The following SETDB2 variants were observed in gnomAD, a reference collection of about 807,000 sequenced individuals.
The protein encoded by SETDB2 is SET domain bifurcated histone lysine methyltransferase 2.
SETDB2 carries 56 observed loss-of-function variants against 82.5 expected under a neutral mutation model. The ratio of observed to expected loss-of-function variants is 0.68; its 90% CI spans 0.55 to 0.85. SETDB2 has a LOEUF of 0.85. Among genes scored for constraint, SETDB2 ranks in the 40% least tolerant of loss-of-function variants. SETDB2 has a pLI of 0.00. For missense variants in SETDB2, 677 were observed against 816.4 expected (o/e 0.83, Z 2.08); for synonymous variants, 272 against 284.9 (o/e 0.95, Z 0.46).
chr13:49,456,126 A>C (rs1251765850), intron 2 of SETDB2, among the ~76,000 whole-genome samples: 2 of 152,106 alleles, frequency 1.3e-5, no homozygotes, highest in African/African-American at 4.8e-5. Flanking sequence ...TGATTTGGGG[A>C]GTCCTAGGGG....
At chr13:49,458,724 G>A (rs1337126002) in intron 2 of SETDB2, among the ~76,000 whole-genome samples, 4 of 152,194 alleles carry the variant, frequency 2.6e-5, no homozygotes, top group African/African-American at 9.6e-5. Context: ...TGTTCGGAGA[G>A]CCTCTTACTA....
At position 49,475,005 on chromosome 13, in the gene SETDB2, C is replaced by T. The variant is rs143888978; in HGVS notation, c.306-1471C>T. 7.7e-3 allele frequency among the ~76,000 whole-genome samples: 1,179 copies of T among 152,216 alleles called. 16 individuals carry two copies. The highest frequency in any genetic ancestry group is 0.027 in the African/African-American group (1,114 of 41,518). On this transcript the variant is annotated intron_variant, in intron 5 of 13. Coordinates refer to ENST00000611815, the MANE Select transcript of SETDB2 (RefSeq NM_001160308.3). ...CACTGCTTTATATAGTGTATTAGTCCGTTTTCACGCTGCTGATAAAGACAT... is the reference window on the plus strand; with the variant it reads ...CACTGCTTTATATAGTGTATTAGTCTGTTTTCACGCTGCTGATAAAGACAT...
intron 5 of SETDB2, among the ~76,000 whole-genome samples, chr13:49,468,243 G>A (rs763471037): frequency 6.6e-6 from 1 of 151,874 alleles, no homozygotes; most frequent in Non-Finnish European, 1.5e-5. Context: ...TTTTTGTTTT[G>A]TTTTGTTTTT....
chr13:49,457,743 A>G (rs1957917796), intron 2 of SETDB2, among the ~76,000 whole-genome samples: 1 of 152,110 alleles, frequency 6.6e-6, no homozygotes, highest in South Asian at 2.1e-4. Flanking sequence ...ATTTTAAATG[A>G]TAAAAAAAAC....
chr13:49,446,384 A>G (rs1252561332), intron 1 of SETDB2: 1 of 456,120 alleles, frequency 2.2e-6, no homozygotes, highest in African/African-American at 2.0e-5. Flanking sequence ...CCGTTCTTTG[A>G]AAGTTTTGTA....
chr13:49,444,641 C>T lies in SETDB2; in HGVS notation c.-558C>T, dbSNP rs79335384. 0.026 allele frequency: 4,094 copies of T among 155,284 alleles called. 168 individuals carry two copies. The highest frequency in any genetic ancestry group is 0.092 in the African/African-American group (3,833 of 41,562). 9.6% of individuals were successfully genotyped at this position (155,284 alleles called of 1,614,324 possible). On this transcript the variant is annotated 5_prime_UTR_variant, in exon 1 of 14. Coordinates refer to ENST00000611815, the MANE Select transcript of SETDB2 (RefSeq NM_001160308.3). ...CCCCAGCCCTTGCAGCCTCCCTTCT[C>T]CTGGCACCCAAGTGCAGTCCTGGCT... is the stretch of plus-strand genomic sequence containing the variant.
intron 2 of SETDB2, among the ~76,000 whole-genome samples, chr13:49,455,463 C>T (rs1957865425): frequency 6.6e-6 from 1 of 152,054 alleles, no homozygotes; most frequent in Admixed American, 6.6e-5. Flanking sequence ...AAAATATTGG[C>T]TCAGTGAATT....
At chr13:49,451,122 TC>T (rs1957777840) in intron 1 of SETDB2, among the ~76,000 whole-genome samples, 1 of 151,648 alleles carries the variant, frequency 6.6e-6, no homozygotes, top group African/African-American at 2.4e-5. Context: ...TATACTACAA[TC>T]CAAATTTTTG....
intron 5 of SETDB2, among the ~76,000 whole-genome samples, chr13:49,469,533 C>G (rs1958185443): frequency 6.6e-6 from 1 of 152,140 alleles, no homozygotes; most frequent in African/African-American, 2.4e-5. Context: ...TTAGAAGCCA[C>G]ACCCTTGATG....
Position 49,492,006 on chromosome 13 carries a change from C to T in SETDB2, c.*157C>T. 4.3e-6 allele frequency: 3 copies of T among 704,912 alleles called. No individual in the cohort carries two copies. In the South Asian group the frequency reaches 4.4e-5, roughly 10 times the overall value. 43.7% of individuals were successfully genotyped at this position (704,912 alleles called of 1,614,324 possible). ...ATTTTATTTGTGTGACTTAGAAATT[C>T]CAGGAACACAATTAGGATATTTTCA... On this transcript the variant is annotated 3_prime_UTR_variant, in exon 14 of 14. Transcript: ENST00000611815.
At chr13:49,475,458 C>T (rs917380593) in intron 5 of SETDB2, among the ~76,000 whole-genome samples, 5 of 151,602 alleles carry the variant, frequency 3.3e-5, no homozygotes, top group African/African-American at 9.7e-5. Flanking sequence ...AAGTTTAAAA[C>T]TTGATTTCCA....
At chr13:49,462,221 G>T (rs1958009412) in intron 4 of SETDB2, among the ~76,000 whole-genome samples, 2 of 152,182 alleles carry the variant, frequency 1.3e-5, no homozygotes, top group Admixed American at 1.3e-4. Context: ...GGATATGGGG[G>T]TGGAAAGAGT....
chr13:49,476,444 T>G, intron 5 of SETDB2, 32 bp from the exon 6 acceptor site: 1 of 1,376,482 alleles, frequency 7.3e-7, no homozygotes, highest in Non-Finnish European at 1.0e-6. Context: ...AACTATAAAT[T>G]TGAGATACTA....
intron 5 of SETDB2, among the ~76,000 whole-genome samples, chr13:49,475,962 G>A (rs948575306): frequency 1.1e-4 from 17 of 152,078 alleles, no homozygotes; most frequent in South Asian, 4.2e-4. Flanking sequence ...TAAGTTTTCA[G>A]CCAGCCTTTG....
At chr13:49,472,673 T>G (rs901745025) in intron 5 of SETDB2, among the ~76,000 whole-genome samples, 12 of 152,172 alleles carry the variant, frequency 7.9e-5, no homozygotes, top group African/African-American at 2.4e-5. Context: ...ACTTAAGACT[T>G]GTAAGTTGGG....
chr13:49,457,948 G>A (rs1957923130), intron 2 of SETDB2, among the ~76,000 whole-genome samples: 2 of 152,090 alleles, frequency 1.3e-5, no homozygotes, highest in African/African-American at 4.8e-5. Context: ...CCTAGTAAGA[G>A]GTATTGACTC....
intron 4 of SETDB2, among the ~76,000 whole-genome samples, chr13:49,463,007 T>TG (rs1399978307): frequency 1.3e-5 from 2 of 152,004 alleles, no homozygotes; most frequent in Non-Finnish European, 2.9e-5. Flanking sequence ...ATGTGTTAAT[T>TG]TTTTTTTCTT....
chr13:49,471,949 T>TA (rs1958257194), intron 5 of SETDB2, among the ~76,000 whole-genome samples: 7 of 144,868 alleles, frequency 4.8e-5, no homozygotes, highest in African/African-American at 1.8e-4. Context: ...TTTTTTTTTT[T>TA]AAATAGAGAC....
intron 2 of SETDB2, among the ~76,000 whole-genome samples, chr13:49,455,669 G>A (rs959102652): frequency 6.6e-6 from 1 of 151,946 alleles, no homozygotes. Flanking sequence ...AATATTGTTA[G>A]TTTTGTCCTT....
Sources: allele counts gnomAD v4.1 joint callset (sites outside exome capture counted in the v4.1 genomes callset), GRCh38; gene constraint gnomAD v4.1.1; transcripts MANE v1.5; gene names NCBI Gene and HGNC (gene_info 2026-07-23, HGNC 2026-07-21).